NLGN4X: variants seen among roughly 807,000 people sequenced by gnomAD.
The protein encoded by NLGN4X is neuroligin 4 X-linked.
Under a neutral mutation model 40.3 loss-of-function variants are expected in NLGN4X, and 3 were observed. The observed-to-expected ratio is 0.07, with a 90% confidence interval of 0.03 to 0.19. NLGN4X has a LOEUF of 0.19. Ranked by LOEUF, NLGN4X falls within the 10% of genes least tolerant of loss-of-function variation. The pLI, the probability that NLGN4X is intolerant of heterozygous loss-of-function variation, is 1.00. For synonymous variants in NLGN4X, 270 were observed against 306.8 expected (o/e 0.88, Z 1.25); for missense variants, 382 against 708.3 (o/e 0.54, Z 5.23).
At chrX:5,898,664 G>A (rs773322439) in intron 5 of NLGN4X, among the ~76,000 whole-genome samples, 11 of 111,321 alleles carry the variant, frequency 9.9e-5, no homozygotes, top group Non-Finnish European at 1.7e-4. Flanking sequence ...CCACGGCACC[G>A]TGTAGTGACA....
chrX:5,956,022 G>T lies in NLGN4X; in HGVS notation c.626-46783C>A, dbSNP rs941918411. ...GTCTTCTAAATATTCCACCTGAGCTGTAGTGTCAATATGCACCCTTTCCTG... is the reference window on the plus strand; with the variant it reads ...GTCTTCTAAATATTCCACCTGAGCTTTAGTGTCAATATGCACCCTTTCCTG... On this transcript the variant is annotated intron_variant, in intron 3 of 5. Transcript: ENST00000381095. Among the ~76,000 whole-genome samples, 10 of 109,849 alleles carry T rather than the reference G, an allele frequency of 9.1e-5. 1 individual carries two copies. The Admixed American group carries it at 9.8e-4, about 11-fold the overall frequency.
chrX:6,144,393 C>T (rs924080006), intron 2 of NLGN4X, among the ~76,000 whole-genome samples: 1 of 111,329 alleles, frequency 9.0e-6, no homozygotes. Context: ...GGTGATAAAA[C>T]TCTTCCTTAG....
chrX:6,055,175 C>A (rs2147307030), intron 2 of NLGN4X, among the ~76,000 whole-genome samples: 1 of 111,659 alleles, frequency 9.0e-6, no homozygotes, highest in South Asian at 3.8e-4. Context: ...CAGACAAAAC[C>A]CTTCAACTGC....
Position 5,893,400 on chromosome X carries a change from T to C in NLGN4X, c.1868A>G (p.Tyr623Cys). 1.7e-6 allele frequency: 2 copies of C among 1,210,362 alleles called. No homozygotes were observed. Among genetic ancestry groups the C allele is most frequent in the Admixed American group, 2.2e-5 (1 of 45,939 alleles). Reference protein sequence around the residue: ...VPPPDMTSFPYGTRRSPAKIW... With the variant: ...VPPPDMTSFPCGTRRSPAKIW... ...CTTGGCGGGAGATCGCCGGGTGCCA[T>C]AGGGAAATGATGTCATGTCTGGTGG... The change falls in exon 6 of 6, where the codon TAT becomes TGT. Residue 623 changes from tyrosine (Y) to cysteine (C), a missense_variant. Transcript: ENST00000381095.
chrX:6,105,232 T>G (rs1351439021), intron 2 of NLGN4X, among the ~76,000 whole-genome samples: 2 of 110,892 alleles, frequency 1.8e-5, no homozygotes, highest in Non-Finnish European at 3.8e-5. Context: ...CACTAACTTT[T>G]GTATTTTTAG....
At chrX:6,169,685 C>T (rs906106483) in intron 1 of NLGN4X, among the ~76,000 whole-genome samples, 4 of 112,424 alleles carry the variant, frequency 3.6e-5, no homozygotes, top group Non-Finnish European at 7.5e-5. Flanking sequence ...TTAATTCAAC[C>T]TCATGTGTGG....
chrX:6,080,265 C>G (rs2038314404), intron 2 of NLGN4X, among the ~76,000 whole-genome samples: 1 of 111,622 alleles, frequency 9.0e-6, no homozygotes, highest in African/African-American at 3.3e-5. Flanking sequence ...AAAATGGCAA[C>G]CCCATAAGGT....
chrX:6,114,405 C>T (rs2147542002), intron 2 of NLGN4X, among the ~76,000 whole-genome samples: 1 of 110,339 alleles, frequency 9.1e-6, no homozygotes, highest in African/African-American at 3.3e-5. Context: ...TAAGCCACAT[C>T]CTACCATTTT....
Position 5,928,984 on chromosome X carries a change from G to A in NLGN4X, c.626-19745C>T, listed in dbSNP as rs910329706. Among the ~76,000 whole-genome samples the A allele has an allele frequency of 2.7e-5, 3 of 109,641 alleles. No individual in the cohort carries two copies. The Admixed American group carries it at 2.9e-4, about 11-fold the overall frequency. ...ATAGACATGCACCACCGTGCCCAGA[G>A]AAAGACTCATTTTGGTTTTAGTTGA... On this transcript the variant is annotated intron_variant, in intron 3 of 5. Transcript: ENST00000381095.
intron 1 of NLGN4X, among the ~76,000 whole-genome samples, chrX:6,171,098 A>G (rs182112148): frequency 1.8e-5 from 2 of 112,550 alleles, no homozygotes; most frequent in Admixed American, 1.9e-4. Context: ...TGCTGGGATT[A>G]CAGGCGTGAG....
intron 2 of NLGN4X, among the ~76,000 whole-genome samples, chrX:6,124,630 C>T (rs995021928): frequency 1.7e-4 from 19 of 111,536 alleles, no homozygotes; most frequent in Admixed American, 1.0e-3. Flanking sequence ...TGCAGTGAGC[C>T]GAGATCAGGC....
intron 2 of NLGN4X, among the ~76,000 whole-genome samples, chrX:6,083,371 G>A (rs1212540742): frequency 9.0e-6 from 1 of 111,501 alleles, no homozygotes; most frequent in Non-Finnish European, 1.9e-5. Flanking sequence ...CCTTGATCCT[G>A]GACTTCCCAG....
At chrX:5,926,929 A>G (rs867381939) in intron 3 of NLGN4X, among the ~76,000 whole-genome samples, 2 of 77,792 alleles carry the variant, frequency 2.6e-5, no homozygotes, top group Non-Finnish European at 4.9e-5. Flanking sequence ...ACATATCTCT[A>G]TATCTTCTAT....
chrX:6,175,776 TCTC>T (rs1201945824), intron 1 of NLGN4X, among the ~76,000 whole-genome samples: 1 of 109,417 alleles, frequency 9.1e-6, no homozygotes, highest in Non-Finnish European at 1.9e-5. Flanking sequence ...GTTCTAATAA[TCTC>T]CTCAACAGAA....
chrX:6,221,489 C>A (rs1225810863), intron 1 of NLGN4X, among the ~76,000 whole-genome samples: 2 of 97,470 alleles, frequency 2.1e-5, no homozygotes, highest in Non-Finnish European at 4.1e-5. Context: ...AAGACTAGTT[C>A]CTAGTTAATG....
intron 3 of NLGN4X, among the ~76,000 whole-genome samples, chrX:5,920,229 T>C (rs2032976664): frequency 1.8e-5 from 2 of 112,243 alleles, no homozygotes; most frequent in Non-Finnish European, 1.9e-5. Context: ...GGAGTCCCGG[T>C]GTAGCTGACT....
At position 6,029,641 on chromosome X, in the gene NLGN4X, G is replaced by A. The variant is rs191879306; in HGVS notation, c.473-209C>T. ...TCTATTTATGGAAATGGTATTTTAAGAAGCATACAGACATTTAGCGTACTC... is the reference window on the plus strand; with the variant it reads ...TCTATTTATGGAAATGGTATTTTAAAAAGCATACAGACATTTAGCGTACTC... On this transcript the variant is annotated intron_variant, in intron 2 of 5. Transcript: ENST00000381095. Among the ~76,000 whole-genome samples, 4 of 109,568 alleles carry A rather than the reference G, an allele frequency of 3.7e-5. No individual in the cohort carries two copies. The East Asian group carries it at 1.2e-3, about 32-fold the overall frequency.
At chrX:5,934,502 C>A (rs1019388853) in intron 3 of NLGN4X, among the ~76,000 whole-genome samples, 2 of 111,362 alleles carry the variant, frequency 1.8e-5, no homozygotes, top group East Asian at 5.6e-4. Flanking sequence ...GTGGTAAAAT[C>A]AGAAGTTAGT....
intron 3 of NLGN4X, among the ~76,000 whole-genome samples, chrX:5,997,963 A>G (rs1467482424): frequency 9.0e-6 from 1 of 111,524 alleles, no homozygotes; most frequent in Non-Finnish European, 1.9e-5. Flanking sequence ...ATCTCTACTT[A>G]GGTATAAACA....
Sources: gnomAD v4.1 joint callset for allele counts (sites outside exome capture counted in the v4.1 genomes callset) on GRCh38, gnomAD v4.1.1 for gene constraint, MANE v1.5 for transcripts, NCBI Gene and HGNC (gene_info 2026-07-23, HGNC 2026-07-21) for gene names.